The following PIK3C2B variants were observed in gnomAD, a reference collection of about 807,000 sequenced individuals.
PIK3C2B encodes the protein phosphatidylinositol-4-phosphate 3-kinase catalytic subunit type 2 beta.
Under a neutral mutation model 184.3 loss-of-function variants are expected in PIK3C2B, and 83 were observed. The ratio of observed to expected loss-of-function variants is 0.45; its 90% confidence interval spans 0.38 to 0.54. PIK3C2B has a LOEUF of 0.54. PIK3C2B is among the 20% of genes least tolerant of loss of function. PIK3C2B has a pLI of 0.00. For missense variants in PIK3C2B, 1,736 were observed against 2,113.5 expected, an observed-to-expected ratio of 0.82 and a Z score of 3.50; for synonymous variants, 779 against 837.6, an observed-to-expected ratio of 0.93 and a Z score of 1.21.
At chr1:204,427,857 T>C (rs1674831020) in intron 30 of PIK3C2B, 103 bp from the exon 31 acceptor site, 2 of 791,906 alleles carry the variant, frequency 2.5e-6, no homozygotes, top group Non-Finnish European at 4.4e-6. Context: ...AGATTTCTGA[T>C]ACTCATGAGG....
chr1:204,455,414 T>A (rs1654762811), intron 11 of PIK3C2B, among the ~76,000 whole-genome samples: 1 of 152,100 alleles, frequency 6.6e-6, no homozygotes, highest in Non-Finnish European at 1.5e-5. Context: ...ACAGAGGCGC[T>A]GAGGATTTTA....
chr1:204,464,427 C>T, intron 4 of PIK3C2B, 23 bp downstream of exon 4: 1 of 1,605,494 alleles, frequency 6.2e-7, no homozygotes, highest in Non-Finnish European at 8.5e-7. Flanking sequence ...ATGCTCACAT[C>T]CTCTCCCCCC....
chr1:204,451,872 T>C (rs1296159698), intron 12 of PIK3C2B, among the ~76,000 whole-genome samples: 1 of 152,170 alleles, frequency 6.6e-6, no homozygotes, highest in African/African-American at 2.4e-5. Context: ...TGCCAAGTAC[T>C]TTATTTACAG....
intron 26 of PIK3C2B, 123 bp from the exon 27 acceptor site, chr1:204,432,524 T>C: frequency 2.7e-6 from 2 of 729,980 alleles, no homozygotes; most frequent in South Asian, 3.3e-5. Flanking sequence ...CAAACCATTT[T>C]CCTGTGTCAT....
At chr1:204,438,752 G>A (rs1675485614) in intron 23 of PIK3C2B, among the ~76,000 whole-genome samples, 183 bp downstream of exon 23, 1 of 152,176 alleles carries the variant, frequency 6.6e-6, no homozygotes, top group Admixed American at 6.5e-5. Flanking sequence ...CAGCTTACAA[G>A]AGGCATTTGA....
chr1:204,461,500 TC>T (rs1489795788), intron 5 of PIK3C2B, among the ~76,000 whole-genome samples: 1 of 152,074 alleles, frequency 6.6e-6, no homozygotes, highest in African/African-American at 2.4e-5. Flanking sequence ...GAAAAGGACT[TC>T]CTTCCTCAGC....
At chr1:204,466,060 G>A (rs750191816) in intron 2 of PIK3C2B, among the ~76,000 whole-genome samples, 1 of 152,176 alleles carries the variant, frequency 6.6e-6, no homozygotes, top group South Asian at 2.1e-4. Context: ...GGTCCCAAAC[G>A]GTCTCCCATC....
Position 204,447,433 on chromosome 1 carries a change from C to T in PIK3C2B, c.2489+3G>A. 6.2e-7 allele frequency: 1 copy of T among 1,613,270 alleles called. No homozygotes were observed. The highest frequency in any genetic ancestry group is 1.1e-5 in the South Asian group (1 of 90,974). ...ACAGATTCAGTGGGGGCCCGGGTCT[C>T]ACCAGTACAAGGACTCTTTCTGCAT... On this transcript the variant is annotated splice_donor_region_variant and intron_variant, in intron 15 of 32. Transcript: ENST00000684373. The surrounding 1 kb of genome is among the most constrained non-coding windows in gnomAD (Gnocchi z 4.1).
chr1:204,431,380 C>T, intron 28 of PIK3C2B: 1 of 459,496 alleles, frequency 2.2e-6, no homozygotes, highest in Non-Finnish European at 4.0e-6. Context: ...TTTGCTTATC[C>T]ATTTGAAAAA....
In PIK3C2B at chr1:204,427,659, T is replaced by C. The variant is rs114563482; in HGVS notation, c.4576A>G (p.Ile1526Val). 1.9e-4 allele frequency: 303 copies of C among 1,609,812 alleles called. No homozygotes were observed. The African/African-American group carries it at 3.5e-3, about 19-fold the overall frequency. ...GTGCAGGCACTTACCAAGCCCCGAA[T>C]ATGCATCACCATGATGAAGAGTTTA... ...NNKLFIMVMH[I>V]RGLQLLQDGN... Residue 1526 changes from isoleucine (I) to valine (V), a missense_variant, in exon 31 of 33, where the codon ATT (isoleucine) becomes GTT (valine). By Grantham distance (29) the Ile-to-Val change is conservative. This residue lies in a region of PIK3C2B where 95 missense variants were observed against 164.2 expected (regional missense o/e 0.58). Transcript: ENST00000684373.
At chr1:204,452,444 AT>A (rs1654455626) in intron 12 of PIK3C2B, among the ~76,000 whole-genome samples, 1 of 148,738 alleles carries the variant, frequency 6.7e-6, no homozygotes, top group African/African-American at 2.5e-5. Context: ...CACTTGGCTA[AT>A]TTTTTGTATT....
chr1:204,475,735 C>T (rs1405116046), intron 1 of PIK3C2B, among the ~76,000 whole-genome samples: 1 of 152,130 alleles, frequency 6.6e-6, no homozygotes, highest in Non-Finnish European at 1.5e-5. Flanking sequence ...AAGGAAAGGT[C>T]CCAGGGTGAT....
chr1:204,439,100 C>A (rs1675506412), intron 22 of PIK3C2B, 29 bp from the exon 23 acceptor site: 1 of 1,609,544 alleles, frequency 6.2e-7, no homozygotes, highest in Non-Finnish European at 8.5e-7. Flanking sequence ...GGGTCACGTT[C>A]CAGACCAGAA....
chr1:204,486,723 C>A (rs868686292), intron 1 of PIK3C2B, among the ~76,000 whole-genome samples: 2 of 152,104 alleles, frequency 1.3e-5, no homozygotes, highest in African/African-American at 2.4e-5. Context: ...GAGGGAGATT[C>A]CATCTCAAAA....
chr1:204,446,044 C>G lies in PIK3C2B; in HGVS notation c.2590G>C (p.Glu864Gln), dbSNP rs371292491. 9 of 1,603,130 alleles carry G rather than the reference C, an allele frequency of 5.6e-6. No individual in the cohort carries two copies. The highest frequency in any genetic ancestry group is 6.8e-6 in the Non-Finnish European group (8 of 1,172,576). ...TAGATGTCAGGCAGGCAAGCCCACTCCCAGCTGGGGGCGCTGGCGAGCACC... is the reference window on the plus strand; with the variant it reads ...TAGATGTCAGGCAGGCAAGCCCACTGCCAGCTGGGGGCGCTGGCGAGCACC... ...PLVLASAPSW[E>Q]WACLPDIYVL... Residue 864 changes from glutamate (E) to glutamine (Q), a missense_variant, in exon 16 of 33, where the codon GAG (glutamate) becomes CAG (glutamine). By Grantham distance (29) the Glu-to-Gln change is conservative (BLOSUM62 2). Around this residue, in one of 8 missense-constraint regions of PIK3C2B, gnomAD observed 609 missense variants for 699.2 expected, o/e 0.87. Transcript: ENST00000684373.
intron 5 of PIK3C2B, 123 bp downstream of exon 5, chr1:204,463,889 G>T: frequency 1.0e-6 from 1 of 981,502 alleles, no homozygotes; most frequent in Non-Finnish European, 1.5e-6. Context: ...TGCCCAGAAA[G>T]CAGGAGTCTT....
intron 29 of PIK3C2B, among the ~76,000 whole-genome samples, chr1:204,429,440 A>C (rs1674921625): frequency 6.6e-6 from 1 of 152,228 alleles, no homozygotes; most frequent in Non-Finnish European, 1.5e-5. Flanking sequence ...AGCTATAACC[A>C]CTATAAAACT....
chr1:204,465,175 C>T, intron 3 of PIK3C2B, 44 bp downstream of exon 3: 2 of 679,750 alleles, frequency 2.9e-6, no homozygotes, highest in Admixed American at 1.9e-5. Flanking sequence ...CCCTCCCCAT[C>T]CCCCATAGCC....
At chr1:204,428,556 C>T (rs1490235005) in intron 29 of PIK3C2B, among the ~76,000 whole-genome samples, 3 of 152,174 alleles carry the variant, frequency 2.0e-5, no homozygotes, top group Non-Finnish European at 4.4e-5. Context: ...GATGGAGTCT[C>T]GCTCTGACAC....
Sources: gnomAD v4.1 joint callset for allele counts (sites outside exome capture counted in the v4.1 genomes callset) on GRCh38, gnomAD v4.1.1 for gene constraint, gnomAD v4.1.1 regional missense constraint, Gnocchi (gnomAD v3.1) non-coding constraint, MANE v1.5 for transcripts, NCBI Gene and HGNC (gene_info 2026-07-23, HGNC 2026-07-21) for gene names.